The following WASF2 variants were observed in gnomAD, a reference collection of about 807,000 sequenced individuals.
WASF2 encodes WASP family member 2.
Under a neutral mutation model 45.0 loss-of-function variants are expected in WASF2, and 14 were observed. The observed-to-expected ratio is 0.31, with a 90% CI of 0.21 to 0.49. WASF2 has a LOEUF of 0.49. Among genes scored for constraint, WASF2 ranks in the 20% least tolerant of loss-of-function variants. The probability of loss-of-function intolerance (pLI) is 0.99; values close to 1 mark genes in which losing one functional copy is unlikely to be tolerated. For missense variants in WASF2, 439 were observed against 636.1 expected (o/e 0.69, Z 3.33); for synonymous variants, 200 against 236.3 (o/e 0.85, Z 1.41).
At chr1:27,419,868 G>A (rs1160483206) in intron 2 of WASF2, among the ~76,000 whole-genome samples, 1 of 152,082 alleles carries the variant, frequency 6.6e-6, no homozygotes, top group East Asian at 1.9e-4. Flanking sequence ...CTTCTTTTAA[G>A]AGGTGGGAAG....
Position 27,418,533 on chromosome 1 carries a change from C to T in WASF2, c.266-111G>A, listed in dbSNP as rs998987787. On this transcript the variant is annotated intron_variant, in intron 3 of 8. Transcript: ENST00000618852. Reference sequence around the variant, plus strand: ...GCTGCACTTCTTGGCTGTGGCTGTCCGCAGCCAGGCTTTTTTTTTCCCTCC... The same window carrying T: ...GCTGCACTTCTTGGCTGTGGCTGTCTGCAGCCAGGCTTTTTTTTTCCCTCC... The T allele has an allele frequency of 9.0e-6, 13 of 1,440,146 alleles. No homozygotes were observed. In the East Asian group the frequency reaches 9.2e-5, roughly 10 times the overall value. The allele number at this position is 1,440,146 out of a possible 1,614,324, so 89.2% of individuals were successfully genotyped here. A position where few individuals can be genotyped will look rare whatever the true frequency, so the allele number is the denominator to read the frequency against.
At chr1:27,444,797 A>G (rs1275981220) in intron 1 of WASF2, among the ~76,000 whole-genome samples, 1 of 152,258 alleles carries the variant, frequency 6.6e-6, no homozygotes, top group Non-Finnish European at 1.5e-5. Context: ...CACTTTAAGT[A>G]CTTTGAAGGC....
chr1:27,435,396 G>A (rs2017123539), intron 1 of WASF2, among the ~76,000 whole-genome samples: 1 of 151,996 alleles, frequency 6.6e-6, no homozygotes, highest in African/African-American at 2.4e-5. Context: ...ACCAGCTTGG[G>A]CAAAAAAGCC....
At chr1:27,431,183 G>C (rs1036873795) in intron 1 of WASF2, among the ~76,000 whole-genome samples, 3 of 152,156 alleles carry the variant, frequency 2.0e-5, no homozygotes, top group African/African-American at 7.2e-5. Context: ...TATCTTTGGG[G>C]TGCAGAGGTG....
chr1:27,461,155 A>G (rs1224956383), intron 1 of WASF2, among the ~76,000 whole-genome samples: 1 of 152,112 alleles, frequency 6.6e-6, no homozygotes, highest in Non-Finnish European at 1.5e-5. Flanking sequence ...CAAAACACAA[A>G]AACAAACAAC....
At chr1:27,409,191 G>A (rs1167144991) in intron 8 of WASF2, among the ~76,000 whole-genome samples, 2 of 152,012 alleles carry the variant, frequency 1.3e-5, no homozygotes, top group Non-Finnish European at 2.9e-5. Context: ...TTGGGAGGCC[G>A]AGGCGGGCGG....
intron 1 of WASF2, among the ~76,000 whole-genome samples, chr1:27,479,840 G>C (rs918401125): frequency 6.6e-5 from 10 of 152,186 alleles, no homozygotes; most frequent in African/African-American, 2.4e-4. Context: ...ATTCCAGCCT[G>C]GGTGACAGAG....
intron 1 of WASF2, among the ~76,000 whole-genome samples, chr1:27,454,172 TA>T (rs1557612310): frequency 3.2e-5 from 2 of 62,046 alleles, no homozygotes; most frequent in African/African-American, 1.6e-4. Flanking sequence ...TATATATATA[TA>T]TATATATATA....
chr1:27,482,517 C>A lies in WASF2; in HGVS notation c.-44+7469G>T, dbSNP rs561325468. 1.7e-3 allele frequency among the ~76,000 whole-genome samples: 257 copies of A among 152,274 alleles called. 2 individuals are homozygous for A. Among genetic ancestry groups the A allele is most frequent in the African/African-American group, 5.8e-3 (241 of 41,548 alleles). On this transcript the variant is annotated intron_variant, in intron 1 of 8. Transcript: ENST00000618852. ...TTAAACTTTTCAGCTATGAGCTTTT[C>A]TTAGAAACAGTCTTTCATGCAAGGT...
chr1:27,459,227 C>G (rs2017514205), intron 1 of WASF2: 1 of 152,192 alleles, frequency 6.6e-6, no homozygotes, highest in African/African-American at 2.4e-5. Context: ...GTGGTGTGAT[C>G]ATACCTCACT....
intron 1 of WASF2, among the ~76,000 whole-genome samples, chr1:27,453,427 A>G (rs1193138543): frequency 6.6e-6 from 1 of 151,712 alleles, no homozygotes; most frequent in Admixed American, 6.6e-5. Flanking sequence ...CCCTGTGTCC[A>G]CTAAAAATAC....
intron 1 of WASF2, among the ~76,000 whole-genome samples, chr1:27,489,759 T>C (rs1184456448): frequency 6.6e-6 from 1 of 152,200 alleles, no homozygotes; most frequent in East Asian, 1.9e-4. Context: ...CTCAGACTTG[T>C]GGACCCCTCC....
At chr1:27,453,620 C>CG in intron 1 of WASF2, among the ~76,000 whole-genome samples, 1 of 131,354 alleles carries the variant, frequency 7.6e-6, no homozygotes, top group East Asian at 2.3e-4. Flanking sequence ...GGGCCAAGCG[C>CG]GGTGGCTCAC....
intron 2 of WASF2, among the ~76,000 whole-genome samples, chr1:27,420,514 C>CT (rs782294669): frequency 0.82 from 68,137 of 82,632 alleles, 30,151 homozygotes; most frequent in Non-Finnish European, 0.92. Context: ...ACCATCTGAG[C>CT]TTTTTTTTTT....
intron 1 of WASF2, among the ~76,000 whole-genome samples, chr1:27,471,876 A>G (rs1451714385): frequency 5.9e-5 from 9 of 152,128 alleles, no homozygotes; most frequent in African/African-American, 2.2e-4. Context: ...TCCAAAATAT[A>G]TACTAAACAC....
At position 27,416,333 on chromosome 1, in the gene WASF2, G is replaced by A. The variant is rs1037295253; in HGVS notation, c.420-231C>T. Among the ~76,000 whole-genome samples, 12 of 152,194 alleles carry A rather than the reference G, an allele frequency of 7.9e-5. No individual in the cohort carries two copies. In the East Asian group the frequency reaches 9.6e-4, roughly 12 times the overall value. ...GCCTTACTTTCAATTCCTGGTAGAT[G>A]AATTTGCATTGTCAGGGCAAGTACA... On this transcript the variant is annotated intron_variant, in intron 4 of 8. Coordinates refer to ENST00000618852, the MANE Select transcript of WASF2 (RefSeq NM_006990.5).
rs373272233 is a variant in WASF2, at chr1:27,408,168, G to A, written c.*21C>T. The A allele has an allele frequency of 1.9e-6, 3 of 1,602,896 alleles. No homozygotes were observed. Among genetic ancestry groups the A allele is most frequent in the Non-Finnish European group, 2.6e-6 (3 of 1,171,702 alleles). On this transcript the variant is annotated 3_prime_UTR_variant, in exon 9 of 9. Transcript: ENST00000618852. The stretch of plus-strand genomic sequence containing the variant: ...CAGGTAGGAAGGAAAGAAAAAGAAG[G>A]TGGGCAGCAGGCAGAAAGAGTTAAT...
At chr1:27,415,065 C>CTAGA in intron 5 of WASF2, 102 bp from the exon 6 acceptor site, 1 of 1,427,096 alleles carries the variant, frequency 7.0e-7, no homozygotes, top group Non-Finnish European at 9.6e-7. Context: ...GATAATCTGC[C>CTAGA]TAGACAACAT....
intron 1 of WASF2, among the ~76,000 whole-genome samples, chr1:27,474,467 C>T (rs1243061944): frequency 6.6e-6 from 1 of 151,978 alleles, no homozygotes; most frequent in African/African-American, 2.4e-5. Context: ...GAGACTCCAT[C>T]TCCATAAAAA....
Sources: allele counts gnomAD v4.1 joint callset (sites outside exome capture counted in the v4.1 genomes callset), GRCh38; gene constraint gnomAD v4.1.1; transcripts MANE v1.5; gene names NCBI Gene and HGNC (gene_info 2026-07-23, HGNC 2026-07-21).